Variants in GUCY1A2 observed in about 807,000 individuals in gnomAD.
The protein encoded by GUCY1A2 is guanylate cyclase soluble subunit alpha-2.
Under a neutral mutation model 63.5 loss-of-function variants are expected in GUCY1A2, and 27 were observed. The observed-to-expected ratio is 0.43, with a 90% CI of 0.31 to 0.59. The LOEUF (loss-of-function observed/expected upper bound fraction) is 0.59, where lower values mean the gene tolerates loss of function less well. Among genes scored for constraint, GUCY1A2 ranks in the 20% least tolerant of loss-of-function variants. GUCY1A2 has a pLI of 0.11. For synonymous variants in GUCY1A2, 364 were observed against 343.5 expected (o/e 1.06, Z -0.66); for missense variants, 768 against 913.3 (o/e 0.84, Z 2.05).
At position 106,944,655 on chromosome 11, in the gene GUCY1A2, AAT is replaced by A. The variant is rs1342637340; in HGVS notation, c.488-4479_488-4478del. On this transcript the variant is annotated intron_variant, in intron 3 of 7. Coordinates refer to ENST00000526355, the MANE Select transcript of GUCY1A2 (RefSeq NM_000855.3). ...CCCTGAATTTAAAATAAAATTTTTTAATCTGTGAATTTATGTTTTAAAACATA... is the reference window on the plus strand; with the variant it reads ...CCCTGAATTTAAAATAAAATTTTTTACTGTGAATTTATGTTTTAAAACATA... Among the ~76,000 whole-genome samples the A allele has an allele frequency of 2.0e-5, 3 of 152,350 alleles. 1 individual carries two copies. Among genetic ancestry groups the A allele is most frequent in the African/African-American group, 7.2e-5 (3 of 41,598 alleles).
intron 1 of GUCY1A2, among the ~76,000 whole-genome samples, chr11:106,986,850 G>A (rs765673530): frequency 1.3e-4 from 20 of 152,100 alleles, no homozygotes; most frequent in Non-Finnish European, 2.6e-4. Context: ...GCAAAATATG[G>A]AGTCTGCAAC....
intron 6 of GUCY1A2, among the ~76,000 whole-genome samples, chr11:106,755,941 T>C (rs1296236590): frequency 6.6e-6 from 1 of 152,074 alleles, no homozygotes; most frequent in East Asian, 1.9e-4. Flanking sequence ...AATGTTGACA[T>C]TAGGGTGTTA....
chr11:106,937,722 C>A (rs901165313), intron 4 of GUCY1A2, among the ~76,000 whole-genome samples: 1 of 152,128 alleles, frequency 6.6e-6, no homozygotes, highest in East Asian at 1.9e-4. Flanking sequence ...ATTAAACATA[C>A]ATATAATATA....
At chr11:106,928,626 T>A (rs1353279683) in intron 4 of GUCY1A2, among the ~76,000 whole-genome samples, 1 of 152,306 alleles carries the variant, frequency 6.6e-6, no homozygotes, top group African/African-American at 2.4e-5. Context: ...TTGGGCAATT[T>A]CACCATTATA....
At chr11:106,914,040 G>A (rs564004109) in intron 4 of GUCY1A2, among the ~76,000 whole-genome samples, 57 of 151,400 alleles carry the variant, frequency 3.8e-4, no homozygotes, top group Non-Finnish European at 4.4e-5. Context: ...GAGAGAGAGG[G>A]AGGGAGGCAG....
intron 1 of GUCY1A2, among the ~76,000 whole-genome samples, chr11:107,014,660 G>A (rs76264184): frequency 0.038 from 5,836 of 151,868 alleles, 160 homozygotes; most frequent in Non-Finnish European, 0.063. Flanking sequence ...ATATCCCATG[G>A]GTCAAATAAC....
intron 4 of GUCY1A2, among the ~76,000 whole-genome samples, chr11:106,911,949 T>A (rs2119867701): frequency 6.6e-6 from 1 of 152,160 alleles, no homozygotes; most frequent in Non-Finnish European, 1.5e-5. Context: ...TTTGCTCTAA[T>A]TTTTGAATCC....
In GUCY1A2 at chr11:106,708,587, T is replaced by A; in HGVS notation, c.1916A>T (p.Asn639Ile). 6.2e-7 allele frequency: 1 copy of A among 1,613,070 alleles called. No homozygotes were observed. The highest frequency in any genetic ancestry group is 8.5e-7 in the Non-Finnish European group (1 of 1,179,410). Residue 639 changes from asparagine to isoleucine, a missense_variant, in exon 7 of 8, where the codon AAT becomes ATT. Physicochemically the swap from Asn to Ile is moderately radical, Grantham distance 149 (BLOSUM62 -3). This residue lies in a region of GUCY1A2 where 150 missense variants were observed against 188.3 expected (regional missense o/e 0.80). Coordinates refer to ENST00000526355, the MANE Select transcript of GUCY1A2 (RefSeq NM_000855.3). ...GAATTTGCTTGCCAGTGTGACATTA[T>A]TTCCAAACAGGCAATAACGTGGCAT... ...VRMPRYCLFG[N>I]NVTLASKFES...
At chr11:106,709,172 A>ATATATAT in intron 6 of GUCY1A2, among the ~76,000 whole-genome samples, 1 of 127,664 alleles carries the variant, frequency 7.8e-6, no homozygotes, top group African/African-American at 3.0e-5. Flanking sequence ...AATATATATA[A>ATATATAT]CTATATATTA....
At chr11:106,805,777 A>C (rs1317374174) in intron 5 of GUCY1A2, among the ~76,000 whole-genome samples, 2 of 152,150 alleles carry the variant, frequency 1.3e-5, no homozygotes, top group African/African-American at 2.4e-5. Flanking sequence ...TACTTTACAG[A>C]ATCAATAACT....
At chr11:107,009,774 A>G (rs1251504587) in intron 1 of GUCY1A2, among the ~76,000 whole-genome samples, 1 of 152,204 alleles carries the variant, frequency 6.6e-6, no homozygotes, top group Non-Finnish European at 1.5e-5. Context: ...TCTGGGATAC[A>G]TTAATCCCAA....
intron 6 of GUCY1A2, among the ~76,000 whole-genome samples, chr11:106,724,820 G>C (rs1195109931): frequency 1.3e-5 from 2 of 152,098 alleles, no homozygotes; most frequent in Admixed American, 6.5e-5. Flanking sequence ...TGAGCACTTA[G>C]AGTGTGCAAC....
chr11:106,717,582 G>A (rs1432891049), intron 6 of GUCY1A2, among the ~76,000 whole-genome samples: 1 of 152,164 alleles, frequency 6.6e-6, no homozygotes, highest in Non-Finnish European at 1.5e-5. Flanking sequence ...AGAAAAAGAA[G>A]AAAGTCTTTT....
chr11:106,878,782 TAAA>T (rs372754272), intron 4 of GUCY1A2, among the ~76,000 whole-genome samples: 3 of 137,998 alleles, frequency 2.2e-5, no homozygotes, highest in South Asian at 2.3e-4. Context: ...ACTTAAAAGT[TAAA>T]AAAAAAAAAA....
intron 1 of GUCY1A2, among the ~76,000 whole-genome samples, chr11:107,006,613 G>T (rs963990743): frequency 6.6e-6 from 1 of 152,180 alleles, no homozygotes; most frequent in African/African-American, 2.4e-5. Flanking sequence ...TGGAATATGA[G>T]AAATGGTATG....
chr11:106,827,803 C>T (rs929841919), intron 4 of GUCY1A2: 28 of 1,584,242 alleles, frequency 1.8e-5, no homozygotes, highest in Admixed American at 5.0e-5. Context: ...AAGTGAGTAG[C>T]CAACTGCTCC....
chr11:106,692,003 T>C (rs1490436959), intron 7 of GUCY1A2, among the ~76,000 whole-genome samples: 2 of 152,066 alleles, frequency 1.3e-5, no homozygotes, highest in South Asian at 2.1e-4. Context: ...GTTGATGATA[T>C]GAGTCATGGT....
At chr11:106,983,125 T>C (rs1861359074) in intron 2 of GUCY1A2, among the ~76,000 whole-genome samples, 1 of 152,158 alleles carries the variant, frequency 6.6e-6, no homozygotes, top group African/African-American at 2.4e-5. Flanking sequence ...AATTTTTTAA[T>C]TGCTTTGCTG....
At chr11:106,808,684 A>G (rs56797558) in intron 5 of GUCY1A2, among the ~76,000 whole-genome samples, 11,284 of 152,214 alleles carry the variant, frequency 0.074, 442 homozygotes, top group Middle Eastern at 0.12. Context: ...GGAAGCAAAC[A>G]CTGCAAATCA....
Sources: gnomAD v4.1 joint callset for allele counts (sites outside exome capture counted in the v4.1 genomes callset) on GRCh38, gnomAD v4.1.1 for gene constraint, gnomAD v4.1.1 regional missense constraint, MANE v1.5 for transcripts, NCBI Gene and HGNC (gene_info 2026-07-23, HGNC 2026-07-21) for gene names.